NUP98: variants seen among roughly 807,000 people sequenced by gnomAD.
The protein encoded by NUP98 is nuclear pore complex protein Nup98-Nup96.
NUP98 carries 26 observed loss-of-function variants against 191.9 expected under a neutral mutation model. The observed-to-expected ratio is 0.14, with a 90% confidence interval of 0.10 to 0.19. NUP98 has a LOEUF of 0.19. Ranked by LOEUF, NUP98 falls within the 10% of genes least tolerant of loss-of-function variation. The pLI, the probability that NUP98 is intolerant of heterozygous loss-of-function variation, is 1.00. For synonymous variants in NUP98, 808 were observed against 778.4 expected, an observed-to-expected ratio of 1.04 and a Z score of -0.63; for missense variants, 1,941 against 2,178.8, an observed-to-expected ratio of 0.89 and a Z score of 2.17.
intron 27 of NUP98, among the ~76,000 whole-genome samples, chr11:3,692,899 T>C (rs1033879903): frequency 6.6e-6 from 1 of 152,150 alleles, no homozygotes; most frequent in South Asian, 2.1e-4. Context: ...ACAAGGAATA[T>C]AAAATATTAT....
At position 3,753,755 on chromosome 11, in the gene NUP98, C is replaced by CAAAAAAA. The variant is rs58867754; in HGVS notation, c.1175-354_1175-348dup. On this transcript the variant is annotated intron_variant, in intron 10 of 32. Transcript: ENST00000324932. ...GTGAAACCCCGTCTCTATAAAAATACAAAAAAAAAAAAAAAAAAAAAAAAA... is the reference window on the plus strand; with the variant it reads ...GTGAAACCCCGTCTCTATAAAAATACAAAAAAAAAAAAAAAAAAAAAAAAAAAAAAAA... Among the ~76,000 whole-genome samples, 4 of 10,174 alleles carry CAAAAAAA rather than the reference C, an allele frequency of 3.9e-4. 2 individuals carry two copies. The highest frequency in any genetic ancestry group is 1.8e-3 in the African/African-American group (4 of 2,216). 6.7% of individuals were successfully genotyped at this position (10,174 alleles called of 152,430 possible). A position where few individuals can be genotyped will look rare whatever the true frequency, so the allele number is the denominator to read the frequency against.
At chr11:3,749,854 G>C (rs532973397) in intron 11 of NUP98, among the ~76,000 whole-genome samples, 1 of 152,082 alleles carries the variant, frequency 6.6e-6, no homozygotes, top group South Asian at 2.1e-4. Flanking sequence ...GGAAAATACA[G>C]AAAAATGGGC....
intron 10 of NUP98, among the ~76,000 whole-genome samples, chr11:3,753,992 CA>C (rs2080866745): frequency 1.3e-5 from 2 of 151,648 alleles, no homozygotes; most frequent in South Asian, 4.2e-4. Context: ...AATATCAATT[CA>C]ATATAGGATA....
At chr11:3,737,904 C>T (rs529564300) in intron 12 of NUP98, among the ~76,000 whole-genome samples, 175 of 149,290 alleles carry the variant, frequency 1.2e-3, no homozygotes, top group African/African-American at 4.1e-3. Context: ...GTACACAGTA[C>T]TACAGATTAA....
chr11:3,701,538 C>T (rs185549100), intron 23 of NUP98, among the ~76,000 whole-genome samples: 3 of 151,366 alleles, frequency 2.0e-5, no homozygotes, highest in East Asian at 2.0e-4. Flanking sequence ...TGTGAGCCAC[C>T]GTACCCGGCC....
intron 10 of NUP98, among the ~76,000 whole-genome samples, chr11:3,758,696 A>T (rs1182332856): frequency 6.6e-6 from 1 of 152,076 alleles, no homozygotes; most frequent in African/African-American, 2.4e-5. Flanking sequence ...GAGACAGGAA[A>T]ATCACTCCAA....
At chr11:3,782,569 CATT>C (rs1293205796) in intron 1 of NUP98, among the ~76,000 whole-genome samples, 4 of 121,998 alleles carry the variant, frequency 3.3e-5, no homozygotes, top group African/African-American at 1.3e-4. Flanking sequence ...AAAAAGCTAA[CATT>C]TTTTTTTTTT....
At chr11:3,774,119 G>A (rs1190070447) in intron 5 of NUP98, among the ~76,000 whole-genome samples, 1 of 152,142 alleles carries the variant, frequency 6.6e-6, no homozygotes, top group Non-Finnish European at 1.5e-5. Flanking sequence ...AATACGGAGG[G>A]CCAGGAGCGG....
intron 31 of NUP98, among the ~76,000 whole-genome samples, chr11:3,677,460 G>A (rs2077853789): frequency 6.8e-6 from 1 of 146,232 alleles, no homozygotes; most frequent in Admixed American, 7.3e-5. Context: ...TGTTGCTCAG[G>A]CTGGTCTCAA....
In NUP98 at chr11:3,691,360, G is replaced by A. The variant is rs1415124732; in HGVS notation, c.4441C>T (p.Leu1481Phe). 2 of 1,614,136 alleles carry A rather than the reference G, an allele frequency of 1.2e-6. No homozygotes were observed. The highest frequency in any genetic ancestry group is 1.7e-6 in the Non-Finnish European group (2 of 1,180,028). ...LRDVCFHLLKLYSDRHYDLNQ... is the reference protein window; with the variant it reads ...LRDVCFHLLKFYSDRHYDLNQ... The stretch of plus-strand genomic sequence containing the variant: ...GCTCTCATTTACCTGTCACTGTAGA[G>A]TTTTAGAAGGTGAAAGCAGACATCT... The change falls in exon 28 of 33, where the codon CTC (leucine) becomes TTC (phenylalanine). Residue 1481 changes from leucine (L) to phenylalanine (F), a missense_variant. Transcript: ENST00000324932.
chr11:3,712,178 C>A, intron 20 of NUP98: 1 of 1,070,118 alleles, frequency 9.3e-7, no homozygotes, highest in Non-Finnish European at 1.1e-6. Flanking sequence ...TTTAAAAAAC[C>A]ATGGAGGTAA....
At chr11:3,712,384 T>TA (rs2079045902) in intron 20 of NUP98, 180 bp downstream of exon 20, 2 of 1,401,368 alleles carry the variant, frequency 1.4e-6, no homozygotes, top group Non-Finnish European at 1.8e-6. Flanking sequence ...ATCTCTCCAG[T>TA]AAAAAGACAG....
intron 26 of NUP98, among the ~76,000 whole-genome samples, chr11:3,693,797 A>C (rs1299815662): frequency 6.6e-6 from 1 of 152,224 alleles, no homozygotes; most frequent in Non-Finnish European, 1.5e-5. Flanking sequence ...CTTTAAAATG[A>C]GCATAAGTGC....
intron 10 of NUP98, among the ~76,000 whole-genome samples, chr11:3,754,549 G>A (rs965598209): frequency 1.3e-5 from 2 of 152,158 alleles, no homozygotes; most frequent in Admixed American, 6.5e-5. Context: ...TTGAATAGAT[G>A]AACCTAGCCA....
chr11:3,694,358 G>T (rs1019561016), intron 26 of NUP98, among the ~76,000 whole-genome samples: 1 of 151,148 alleles, frequency 6.6e-6, no homozygotes, highest in African/African-American at 2.4e-5. Context: ...CAATAAGAGC[G>T]AAACTCTATC....
At chr11:3,786,281 T>C (rs1274805519) in intron 1 of NUP98, among the ~76,000 whole-genome samples, 1 of 152,164 alleles carries the variant, frequency 6.6e-6, no homozygotes, top group African/African-American at 2.4e-5. Context: ...GTACTACAGA[T>C]CCAGCACTAT....
At chr11:3,770,245 C>T (rs1415950834) in intron 7 of NUP98, among the ~76,000 whole-genome samples, 1 of 152,092 alleles carries the variant, frequency 6.6e-6, no homozygotes, top group Non-Finnish European at 1.5e-5. Context: ...CCTTGGGAGG[C>T]TGAGGCAGAA....
Position 3,712,814 on chromosome 11 carries a change from G to GA in NUP98, c.2578-87dup, listed in dbSNP as rs1389646493. The stretch of plus-strand genomic sequence containing the variant: ...TTGCAATCTTGCAGCATTACCTTAA[G>GA]AAAAAAGAAAGAAAAGGGGAGAAAT... On this transcript the variant is annotated intron_variant, in intron 19 of 32. Transcript: ENST00000324932. The GA allele has an allele frequency of 1.1e-5, 15 of 1,366,502 alleles. No individual in the cohort carries two copies. The Admixed American group carries it at 2.5e-4, about 23-fold the overall frequency. 84.6% of individuals were successfully genotyped at this position (1,366,502 alleles called of 1,614,324 possible). A position where few individuals can be genotyped will look rare whatever the true frequency, so the allele number is the denominator to read the frequency against.
intron 1 of NUP98, among the ~76,000 whole-genome samples, chr11:3,792,469 GA>G: frequency 6.6e-6 from 1 of 151,674 alleles, no homozygotes; most frequent in South Asian, 2.1e-4. Flanking sequence ...AAATTAGCCA[GA>G]TGTGGTGGTA....
Sources: gnomAD v4.1 joint callset for allele counts (sites outside exome capture counted in the v4.1 genomes callset) on GRCh38, gnomAD v4.1.1 for gene constraint, MANE v1.5 for transcripts, NCBI Gene and HGNC (gene_info 2026-07-23, HGNC 2026-07-21) for gene names.